The following USB1 variants were observed in gnomAD, a reference collection of about 807,000 sequenced individuals.
USB1 encodes U6 snRNA phosphodiesterase 1.
A neutral mutation model predicts 29.9 loss-of-function variants in USB1; 21 were observed. The observed-to-expected ratio is 0.70, with a 90% CI of 0.50 to 1.01. USB1 has a LOEUF of 1.01. Among genes scored for constraint, USB1 ranks in the 50% least tolerant of loss-of-function variants. USB1 has a pLI of 0.00. For missense variants in USB1, 330 were observed against 347.1 expected, an observed-to-expected ratio of 0.95 and a Z score of 0.39; for synonymous variants, 143 against 134.9, an observed-to-expected ratio of 1.06 and a Z score of -0.42.
chr16:58,016,949 C>T, intron 4 of USB1: 1 of 314,142 alleles, frequency 3.2e-6, no homozygotes, highest in South Asian at 2.9e-5. Context: ...GGAGGCGTGG[C>T]AGATGCCTGG....
intron 2 of USB1, among the ~76,000 whole-genome samples, chr16:58,003,190 G>C (rs146614607): frequency 6.6e-6 from 1 of 152,164 alleles, no homozygotes; most frequent in Non-Finnish European, 1.5e-5. Context: ...TTTGGGAAGC[G>C]GAGGCAGGCA....
At chr16:58,010,249 C>A in intron 3 of USB1, 137 bp downstream of exon 3, 1 of 1,022,920 alleles carries the variant, frequency 9.8e-7, no homozygotes, top group Non-Finnish European at 1.5e-6. Context: ...GGGCTGCCTG[C>A]TCTACTTCTC....
At chr16:58,002,675 A>G (rs1227863346) in intron 2 of USB1, 30 bp downstream of exon 2, 1 of 1,613,158 alleles carries the variant, frequency 6.2e-7, no homozygotes, top group African/African-American at 1.3e-5. Flanking sequence ...CAAGTTGCCA[A>G]GACCCATAGA....
At chr16:58,015,482 C>T (rs1963594758) in intron 4 of USB1, 1 of 152,184 alleles carries the variant, frequency 6.6e-6, no homozygotes, top group African/African-American at 2.4e-5. Flanking sequence ...CTCATTTATT[C>T]ATTCATTTAT....
intron 3 of USB1, chr16:58,011,745 T>C (rs973539535): frequency 3.0e-5 from 30 of 987,496 alleles, no homozygotes; most frequent in Non-Finnish European, 3.5e-5. Context: ...CAGTCGTTCC[T>C]GTGTCCATCT....
chr16:58,013,670 T>C lies in USB1; in HGVS notation c.450-603T>C. On this transcript the variant is annotated intron_variant, in intron 3 of 6. Transcript: ENST00000219281. The surrounding 1 kb of genome is among the most constrained non-coding windows in gnomAD (Gnocchi z 4.3). Reference sequence around the variant, plus strand: ...ACCTATTCCCCTCACGAAAGCGTCATAGGTGACAACAAGGACTCTGGAAAC... The same window carrying C: ...ACCTATTCCCCTCACGAAAGCGTCACAGGTGACAACAAGGACTCTGGAAAC... The C allele has an allele frequency of 2.0e-6, 2 of 978,646 alleles. No homozygotes were observed. The highest frequency in any genetic ancestry group is 1.2e-6 in the Non-Finnish European group (1 of 822,258). The allele number at this position is 978,646 out of a possible 1,614,324, so 60.6% of individuals were successfully genotyped here.
At chr16:58,009,817 T>G in intron 2 of USB1, 112 bp from the exon 3 acceptor site, 6 of 1,188,160 alleles carry the variant, frequency 5.0e-6, no homozygotes, top group Non-Finnish European at 6.3e-6. Flanking sequence ...CCAAGTAATT[T>G]TCTCCCCAAA....
In USB1 at chr16:58,002,640, T is replaced by A. The variant is rs1963254477; in HGVS notation, c.260T>A (p.Val87Glu). The A allele has an allele frequency of 6.2e-7, 1 of 1,613,698 alleles. No individual in the cohort carries two copies. Among genetic ancestry groups the A allele is most frequent in the South Asian group, 1.1e-5 (1 of 91,082 alleles). Residue 87 changes from valine (V) to glutamate (E), a missense_variant, in exon 2 of 7, where the codon GTA (valine) becomes GAA (glutamate). Coordinates refer to ENST00000219281, the MANE Select transcript of USB1 (RefSeq NM_024598.4). The stretch of plus-strand genomic sequence containing the variant: ...GGCAACTGGGCCACCCACGTCTATG[T>A]ACCATGTGAGTGATGTGTGAAAGGC... ...ERGNWATHVY[V>E]PYEAKEEFLD...
In USB1 at chr16:58,017,414, A is replaced by C. The variant is rs754116399; in HGVS notation, c.584A>C (p.Glu195Ala). ...LVSEVDRVME[E>A]FNLTTFYQDP... ...TCAGAGGTGGACAGAGTCATGGAGG[A>C]ATTCAACCTCACCACTTTCTACCAG... The change falls in exon 5 of 7, where the codon GAA becomes GCA. Residue 195 changes from glutamate (E) to alanine (A), a missense_variant. By Grantham distance (107) the Glu-to-Ala change is moderately radical. Coordinates refer to ENST00000219281, the MANE Select transcript of USB1 (RefSeq NM_024598.4). 4.3e-6 allele frequency: 7 copies of C among 1,614,038 alleles called. No individual in the cohort carries two copies. The highest frequency in any genetic ancestry group is 5.1e-6 in the Non-Finnish European group (6 of 1,180,018).
chr16:58,012,991 C>G, intron 3 of USB1: 1 of 985,754 alleles, frequency 1.0e-6, no homozygotes, highest in Non-Finnish European at 1.2e-6. Flanking sequence ...GCACCTGGAC[C>G]CCTGGGCTGG....
intron 6 of USB1, 133 bp downstream of exon 6, chr16:58,019,188 C>A: frequency 1.1e-6 from 1 of 876,890 alleles, no homozygotes; most frequent in South Asian, 1.5e-5. Flanking sequence ...GACCCCAACA[C>A]CTTCCCTTGT....
At chr16:58,019,778 C>A (rs1274121492) in intron 6 of USB1, among the ~76,000 whole-genome samples, 3 of 152,216 alleles carry the variant, frequency 2.0e-5, no homozygotes, top group African/African-American at 7.2e-5. Flanking sequence ...CCAAACCAAA[C>A]GTGCAGGCTG....
intron 3 of USB1, chr16:58,010,967 G>A: frequency 2.9e-6 from 2 of 700,718 alleles, no homozygotes; most frequent in South Asian, 3.0e-5. Flanking sequence ...GGTAGGGGGT[G>A]GGGCTGAAAG....
chr16:58,007,990 AAAT>A (rs938042113), intron 2 of USB1, among the ~76,000 whole-genome samples: 1 of 152,194 alleles, frequency 6.6e-6, no homozygotes, highest in African/African-American at 2.4e-5. Flanking sequence ...CTCAAAAAAA[AAAT>A]AATAATAATT....
chr16:58,011,955 G>A lies in USB1; in HGVS notation c.449+1843G>A, dbSNP rs77670243. On this transcript the variant is annotated intron_variant, in intron 3 of 6. Coordinates refer to ENST00000219281, the MANE Select transcript of USB1 (RefSeq NM_024598.4). ...CTAGAAGGAGCCTAAGAAGCCACCCGGCTGATGGTTTTCTGACCCTGCCTT... is the reference window on the plus strand; with the variant it reads ...CTAGAAGGAGCCTAAGAAGCCACCCAGCTGATGGTTTTCTGACCCTGCCTT... 404 of 1,057,740 alleles carry A rather than the reference G, an allele frequency of 3.8e-4. 3 individuals carry two copies. The highest frequency in any genetic ancestry group is 3.2e-4 in the South Asian group (8 of 24,766). 65.5% of individuals were successfully genotyped at this position (1,057,740 alleles called of 1,614,324 possible).
At chr16:58,010,565 C>T in intron 3 of USB1, 1 of 263,618 alleles carries the variant, frequency 3.8e-6, no homozygotes, top group Non-Finnish European at 7.4e-6. Flanking sequence ...GTGTTGAGCT[C>T]TCAGGTTACC....
chr16:58,007,824 T>A (rs1000669430), intron 2 of USB1, among the ~76,000 whole-genome samples: 1 of 151,676 alleles, frequency 6.6e-6, no homozygotes, highest in Non-Finnish European at 1.5e-5. Context: ...ACTAAAAAAA[T>A]ACAAAAAAAT....
rs1963721611 is a variant in USB1 at position 58,020,669 on chromosome 16, C to T, written c.*424C>T. ...TCTTCCTCTCCTCTCTCTTCCCTTC[C>T]TGTCTCTCTTCCCCTCCTCTCTCTC... On this transcript the variant is annotated 3_prime_UTR_variant, in exon 7 of 7. Transcript: ENST00000219281. The T allele has an allele frequency of 3.7e-6, 1 of 273,278 alleles. No individual in the cohort carries two copies. The highest frequency in any genetic ancestry group is 3.6e-5 in the South Asian group (1 of 27,644). The allele number at this position is 273,278 out of a possible 1,614,324, so 16.9% of individuals were successfully genotyped here.
At chr16:58,003,588 T>C (rs1963284395) in intron 2 of USB1, among the ~76,000 whole-genome samples, 1 of 152,230 alleles carries the variant, frequency 6.6e-6, no homozygotes, top group Non-Finnish European at 1.5e-5. Context: ...GTCACTGTTG[T>C]CTGTTAATTT....
Sources: allele counts gnomAD v4.1 joint callset (sites outside exome capture counted in the v4.1 genomes callset), GRCh38; gene constraint gnomAD v4.1.1; non-coding constraint Gnocchi (gnomAD v3.1); transcripts MANE v1.5; gene names NCBI Gene and HGNC (gene_info 2026-07-23, HGNC 2026-07-21).